The following STK31 variants were observed in gnomAD, a reference collection of about 807,000 sequenced individuals.
The protein encoded by STK31 is serine/threonine kinase 31, also known as serine/threonine-protein kinase 31.
STK31 carries 89 observed loss-of-function variants against 129.7 expected under a neutral mutation model. That is an observed-to-expected ratio of 0.69 (90% CI 0.58 to 0.82). The LOEUF (loss-of-function observed/expected upper bound fraction) is 0.82, where lower values mean the gene tolerates loss of function less well. Among genes scored for constraint, STK31 ranks in the 40% least tolerant of loss-of-function variants. The pLI is 0.00. For synonymous variants in STK31, 448 were observed against 395.3 expected (o/e 1.13, Z -1.58); for missense variants, 1,187 against 1,176.4 (o/e 1.01, Z -0.13).
chr7:23,754,174 T>C, intron 9 of STK31, 141 bp from the exon 10 acceptor site: 1 of 602,944 alleles, frequency 1.7e-6, no homozygotes, highest in Non-Finnish European at 2.6e-6. Context: ...TACATGATTT[T>C]ATATAAAGTT....
At chr7:23,789,149 C>T (rs757299357) in intron 21 of STK31, among the ~76,000 whole-genome samples, 2 of 151,924 alleles carry the variant, frequency 1.3e-5, no homozygotes, top group Non-Finnish European at 2.9e-5. Flanking sequence ...CTTTTTATTG[C>T]CAAATTATAT....
In STK31 at chr7:23,719,911, A is replaced by G. The variant is rs190853130; in HGVS notation, c.249+2332A>G. 9.5e-4 allele frequency among the ~76,000 whole-genome samples: 144 copies of G among 152,242 alleles called. 2 individuals are homozygous for G. The highest frequency in any genetic ancestry group is 7.1e-3 in the East Asian group (37 of 5,184). On this transcript the variant is annotated intron_variant, in intron 4 of 23. Transcript: ENST00000355870. ...AATCTGAGCAACTACTGTAATAACA[A>G]TGCTGGTGGTAGTCCATGATACTCT...
intron 15 of STK31, among the ~76,000 whole-genome samples, chr7:23,776,751 G>A (rs13311513): frequency 2.0e-5 from 3 of 151,892 alleles, no homozygotes; most frequent in Middle Eastern, 3.4e-3. Context: ...CTATTTTGTT[G>A]ATCTTTTCAA....
At chr7:23,723,863 C>T (rs551319598) in intron 4 of STK31, among the ~76,000 whole-genome samples, 76 of 152,178 alleles carry the variant, frequency 5.0e-4, no homozygotes, top group African/African-American at 1.7e-3. Context: ...TATACCTAGG[C>T]GAGTTAGAGA....
intron 4 of STK31, chr7:23,725,969 GTGCCAGGCTCTTTTCAAC>G (rs1057456866): frequency 4.4e-4 from 67 of 152,292 alleles, no homozygotes; most frequent in African/African-American, 1.6e-3. Flanking sequence ...GGAGGAAGAG[GTGCCAGGCTCTTTTCAAC>G]AACCAGTTCT....
At chr7:23,829,260 T>C (rs1407693102) in intron 23 of STK31, among the ~76,000 whole-genome samples, 1 of 152,132 alleles carries the variant, frequency 6.6e-6, no homozygotes, top group Non-Finnish European at 1.5e-5. Flanking sequence ...AGCTGTGGCT[T>C]TGTTACAGAT....
chr7:23,710,150 G>A, upstream of STK31: 1 of 1,496,480 alleles, frequency 6.7e-7, no homozygotes. Flanking sequence ...GGCCGTGGCT[G>A]CCACGTGACT....
intron 13 of STK31, among the ~76,000 whole-genome samples, chr7:23,770,481 A>G (rs1175625879): frequency 1.3e-5 from 2 of 152,212 alleles, no homozygotes; most frequent in Non-Finnish European, 2.9e-5. Flanking sequence ...TTCTAAAAGT[A>G]AAGTGTTGAA....
chr7:23,767,392 G>A (rs1042248019), intron 11 of STK31, among the ~76,000 whole-genome samples: 2 of 152,188 alleles, frequency 1.3e-5, no homozygotes, highest in Admixed American at 6.5e-5. Flanking sequence ...TAAGACTTTG[G>A]ATAGGTTTAG....
chr7:23,763,880 C>A (rs1173459031), intron 11 of STK31, among the ~76,000 whole-genome samples: 1 of 151,888 alleles, frequency 6.6e-6, no homozygotes, highest in Non-Finnish European at 1.5e-5. Flanking sequence ...GTCCTTTTAC[C>A]TTTTATGTAT....
intron 15 of STK31, among the ~76,000 whole-genome samples, chr7:23,774,213 G>C (rs1157538087): frequency 6.6e-6 from 1 of 152,128 alleles, no homozygotes; most frequent in Non-Finnish European, 1.5e-5. Context: ...CCAAGTCTTT[G>C]CTATTGTGAA....
chr7:23,827,923 A>G (rs1287492423), intron 23 of STK31, among the ~76,000 whole-genome samples: 1 of 152,166 alleles, frequency 6.6e-6, no homozygotes, highest in African/African-American at 2.4e-5. Flanking sequence ...CTGGTGAACC[A>G]CAAATGCTGC....
intron 4 of STK31, among the ~76,000 whole-genome samples, chr7:23,719,266 T>C (rs895925025): frequency 3.9e-5 from 6 of 152,114 alleles, no homozygotes; most frequent in Non-Finnish European, 7.4e-5. Context: ...AAGTATGCAA[T>C]GATCATGAAA....
At chr7:23,824,239 G>C (rs1193242183) in intron 23 of STK31, among the ~76,000 whole-genome samples, 1 of 152,174 alleles carries the variant, frequency 6.6e-6, no homozygotes. Flanking sequence ...AGCATGGAAT[G>C]TTCTTCCATT....
intron 8 of STK31, among the ~76,000 whole-genome samples, chr7:23,745,304 T>G (rs1214293691): frequency 6.6e-6 from 1 of 152,018 alleles, no homozygotes; most frequent in African/African-American, 2.4e-5. Flanking sequence ...TGTCCTCAGG[T>G]CCAGGTGGTG....
intron 4 of STK31, among the ~76,000 whole-genome samples, chr7:23,720,225 A>G (rs1327192502): frequency 6.6e-6 from 1 of 152,208 alleles, no homozygotes; most frequent in East Asian, 1.9e-4. Context: ...CCCAAAGATT[A>G]CGATATGTTT....
intron 4 of STK31, among the ~76,000 whole-genome samples, chr7:23,719,130 G>T (rs1786527721): frequency 6.6e-6 from 1 of 151,818 alleles, no homozygotes; most frequent in African/African-American, 2.4e-5. Flanking sequence ...TGATTGATTT[G>T]TAGGCATTCT....
At chr7:23,798,344 A>G (rs1438895437) in intron 22 of STK31, among the ~76,000 whole-genome samples, 1 of 152,050 alleles carries the variant, frequency 6.6e-6, no homozygotes, top group Non-Finnish European at 1.5e-5. Context: ...TGATGCAAAA[A>G]TCCTCAATAA....
chr7:23,808,728 G>A (rs1792878386), intron 22 of STK31, among the ~76,000 whole-genome samples: 1 of 152,128 alleles, frequency 6.6e-6, no homozygotes, highest in Non-Finnish European at 1.5e-5. Flanking sequence ...AGTGGAGGAA[G>A]CAAAGGGATG....
Sources: gnomAD v4.1 joint callset for allele counts (sites outside exome capture counted in the v4.1 genomes callset) on GRCh38, gnomAD v4.1.1 for gene constraint, MANE v1.5 for transcripts, NCBI Gene and HGNC (gene_info 2026-07-23, HGNC 2026-07-21) for gene names.